Variants in ADGRV1 observed in about 807,000 individuals in gnomAD.
ADGRV1 encodes G-protein coupled receptor 98.
ADGRV1 carries 359 observed loss-of-function variants against 596.2 expected under a neutral mutation model. That is an observed-to-expected ratio of 0.60 (90% CI 0.55 to 0.66). The LOEUF (loss-of-function observed/expected upper bound fraction) is 0.66, where lower values mean the gene tolerates loss of function less well. Ranked by LOEUF, ADGRV1 falls within the 30% of genes least tolerant of loss-of-function variation. ADGRV1 has a pLI of 0.00. For synonymous variants in ADGRV1, 2,681 were observed against 2,679.2 expected (o/e 1.00, Z -0.02); for missense variants, 7,274 against 7,575.6 (o/e 0.96, Z 1.48).
chr5:90,811,370 T>C, intron 74 of ADGRV1, 32 bp downstream of exon 74: 1 of 1,521,074 alleles, frequency 6.6e-7, no homozygotes, highest in Non-Finnish European at 8.8e-7. Context: ...GATAAAAATA[T>C]ACTTTTATGG....
In ADGRV1 at chr5:90,855,829, G is replaced by A. The variant is rs1025278736; in HGVS notation, c.17683G>A (p.Val5895Ile). ...CACSHMSVYA[V>I]YARTDNLSSY... ...CTGTTCACACATGTCTGTGTATGCT[G>A]TCTATGCTCGGACTGACAACTTGTC... is the stretch of plus-strand genomic sequence containing the variant. Residue 5895 changes from valine to isoleucine, a missense_variant, in exon 82 of 90, where the codon GTC becomes ATC. Around this residue, in one of 5 missense-constraint regions of ADGRV1, gnomAD observed 1,874 missense variants for 1,970.2 expected, o/e 0.95. Transcript: ENST00000405460. 7 of 1,612,790 alleles carry A rather than the reference G, an allele frequency of 4.3e-6. No individual in the cohort carries two copies. The highest frequency in any genetic ancestry group is 3.4e-6 in the Non-Finnish European group (4 of 1,179,026).
chr5:90,784,458 C>T (rs1415472188), intron 67 of ADGRV1, among the ~76,000 whole-genome samples: 1 of 152,142 alleles, frequency 6.6e-6, no homozygotes, highest in Non-Finnish European at 1.5e-5. Flanking sequence ...ATAAATTGAT[C>T]TGATAACAGT....
chr5:90,990,432 C>T (rs900803419), intron 85 of ADGRV1, among the ~76,000 whole-genome samples: 1 of 152,118 alleles, frequency 6.6e-6, no homozygotes, highest in African/African-American at 2.4e-5. Context: ...GTAAGTTTAT[C>T]CCTTAGTGGA....
chr5:90,978,658 A>T (rs138261845), intron 84 of ADGRV1, among the ~76,000 whole-genome samples: 1 of 152,154 alleles, frequency 6.6e-6, no homozygotes, highest in Admixed American at 6.6e-5. Flanking sequence ...ATTATTACAG[A>T]TTGTATGCCT....
intron 85 of ADGRV1, among the ~76,000 whole-genome samples, chr5:91,005,845 C>T (rs902262337): frequency 1.4e-4 from 21 of 152,154 alleles, no homozygotes; most frequent in African/African-American, 4.1e-4. Flanking sequence ...CATTTACCCC[C>T]ATTCCAATGC....
chr5:90,614,393 C>T (rs928297957), intron 1 of ADGRV1, among the ~76,000 whole-genome samples: 11 of 151,938 alleles, frequency 7.2e-5, no homozygotes, highest in Non-Finnish European at 1.6e-4. Flanking sequence ...AGACACCAAC[C>T]AAGAAATCAA....
intron 50 of ADGRV1, among the ~76,000 whole-genome samples, chr5:90,735,401 T>C (rs1205133623): frequency 6.6e-6 from 1 of 152,254 alleles, no homozygotes; most frequent in African/African-American, 2.4e-5. Flanking sequence ...AGTACCAAGA[T>C]GTTTTGATCA....
intron 86 of ADGRV1, among the ~76,000 whole-genome samples, chr5:91,092,960 C>T (rs1790512174): frequency 6.6e-6 from 1 of 151,382 alleles, no homozygotes; most frequent in African/African-American, 2.4e-5. Context: ...GCATGGTTTC[C>T]CTCTCTGGAG....
chr5:90,692,129 G>GT (rs1414923178), intron 31 of ADGRV1, among the ~76,000 whole-genome samples: 1 of 151,564 alleles, frequency 6.6e-6, no homozygotes, highest in Non-Finnish European at 1.5e-5. Context: ...AAACATTTCT[G>GT]TTTTTTTCTC....
chr5:91,053,466 A>G (rs947214371), intron 85 of ADGRV1, among the ~76,000 whole-genome samples: 4 of 152,204 alleles, frequency 2.6e-5, no homozygotes, highest in Non-Finnish European at 1.5e-5. Flanking sequence ...CATAATTGTT[A>G]TCTTCCTGAA....
intron 70 of ADGRV1, among the ~76,000 whole-genome samples, chr5:90,794,640 G>C (rs1202376145): frequency 1.3e-5 from 2 of 152,108 alleles, no homozygotes; most frequent in African/African-American, 4.8e-5. Flanking sequence ...ACCATAAATC[G>C]TTTCTGTTTG....
At chr5:91,097,548 C>T (rs1004841988) in intron 86 of ADGRV1, among the ~76,000 whole-genome samples, 1 of 152,110 alleles carries the variant, frequency 6.6e-6, no homozygotes, top group African/African-American at 2.4e-5. Flanking sequence ...GTGCAAATAT[C>T]CATTTGAGTA....
intron 83 of ADGRV1, among the ~76,000 whole-genome samples, chr5:90,878,156 G>T (rs1019533864): frequency 2.0e-5 from 3 of 152,218 alleles, no homozygotes; most frequent in African/African-American, 7.2e-5. Context: ...ATAGAAGCAA[G>T]TTTGAGAGAA....
chr5:90,747,081 G>A (rs2149925698), intron 52 of ADGRV1, among the ~76,000 whole-genome samples: 1 of 152,254 alleles, frequency 6.6e-6, no homozygotes, highest in East Asian at 1.9e-4. Flanking sequence ...GAGGTTGTAT[G>A]TGGGGAAATC....
intron 34 of ADGRV1, among the ~76,000 whole-genome samples, chr5:90,702,653 C>A (rs765852195): frequency 7.9e-5 from 12 of 151,770 alleles, no homozygotes; most frequent in Non-Finnish European, 1.3e-4. Flanking sequence ...TGCTTTATTT[C>A]TACTTTTTAA....
rs1050252900 is a variant in ADGRV1, at chr5:90,974,052, A to G, written c.17973+8521A>G. 2.0e-5 allele frequency among the ~76,000 whole-genome samples: 3 copies of G among 152,208 alleles called. No individual in the cohort carries two copies. The East Asian group carries it at 5.8e-4, about 29-fold the overall frequency. On this transcript the variant is annotated intron_variant, in intron 84 of 89. Transcript: ENST00000405460. ...AAATCACAAGCATTCTTATACACCA[A>G]TAACAGACAAACAGAGAGCCAAATC...
chr5:90,876,703 C>G (rs1047749241), intron 83 of ADGRV1, among the ~76,000 whole-genome samples: 1 of 152,206 alleles, frequency 6.6e-6, no homozygotes, highest in South Asian at 2.1e-4. Flanking sequence ...TCAAGCAAGT[C>G]TGTCTACCAC....
At chr5:91,005,725 G>A (rs546971223) in intron 85 of ADGRV1, among the ~76,000 whole-genome samples, 6 of 152,084 alleles carry the variant, frequency 3.9e-5, no homozygotes, top group East Asian at 3.9e-4. Flanking sequence ...TGATCCTTTC[G>A]ATAACACTTA....
chr5:90,883,723 G>A (rs1006368374), intron 83 of ADGRV1, among the ~76,000 whole-genome samples: 4 of 152,020 alleles, frequency 2.6e-5, no homozygotes, highest in Non-Finnish European at 4.4e-5. Context: ...TTCTCACCCT[G>A]CATTTTGTAG....
Sources: allele counts gnomAD v4.1 joint callset (sites outside exome capture counted in the v4.1 genomes callset), GRCh38; gene constraint gnomAD v4.1.1; regional missense constraint gnomAD v4.1.1; transcripts MANE v1.5; gene names NCBI Gene and HGNC (gene_info 2026-07-23, HGNC 2026-07-21).